The following SKA2 variants were observed in gnomAD, a reference collection of about 807,000 sequenced individuals.
The protein encoded by SKA2 is spindle and kinetochore associated complex subunit 2, also known as spindle and kinetochore-associated protein 2.
A neutral mutation model predicts 16.9 loss-of-function variants in SKA2; 13 were observed. That is an observed-to-expected ratio of 0.77 (90% CI 0.50 to 1.22). The LOEUF (loss-of-function observed/expected upper bound fraction) is 1.22. Among genes scored for constraint, SKA2 ranks in the 50% most tolerant of loss-of-function variants. The pLI is 0.00. For synonymous variants in SKA2, 47 were observed against 48.5 expected (o/e 0.97, Z 0.13); for missense variants, 107 against 139.7 (o/e 0.77, Z 1.18).
At chr17:59,142,819 C>T (rs1369746721) in intron 1 of SKA2, among the ~76,000 whole-genome samples, 2 of 148,466 alleles carry the variant, frequency 1.3e-5, no homozygotes, top group East Asian at 2.1e-4. Flanking sequence ...CCCAGCTACT[C>T]GGGAGGCTGA....
chr17:59,144,555 A>C (rs922871677), intron 1 of SKA2, among the ~76,000 whole-genome samples: 14 of 152,236 alleles, frequency 9.2e-5, no homozygotes, highest in Admixed American at 6.5e-4. Context: ...TGTAGTACAT[A>C]CGTACAATGG....
intron 1 of SKA2, chr17:59,137,978 C>T: frequency 7.3e-6 from 2 of 274,584 alleles, no homozygotes; most frequent in Non-Finnish European, 1.5e-5. Flanking sequence ...ACATCATTCA[C>T]AGCCCTTTCA....
chr17:59,151,059 A>G (rs980212048), intron 1 of SKA2: 10 of 461,102 alleles, frequency 2.2e-5, no homozygotes, highest in Non-Finnish European at 4.5e-5. Context: ...TATAGTTCTC[A>G]GCAACAAAGG....
At position 59,134,581 on chromosome 17, in the gene SKA2, T is replaced by C. The variant is rs537998699; in HGVS notation, c.34-3214A>G. Among the ~76,000 whole-genome samples, 3 of 152,062 alleles carry C rather than the reference T, an allele frequency of 2.0e-5. No individual in the cohort carries two copies. The East Asian group carries it at 5.8e-4, about 29-fold the overall frequency. On this transcript the variant is annotated intron_variant, in intron 1 of 3. Transcript: ENST00000330137. ...TTTCCTTTTTTTTTTTGGAGGAGTCTTGTTCTGTTGCCCAGGCTAGAGTGC... is the reference window on the plus strand; with the variant it reads ...TTTCCTTTTTTTTTTTGGAGGAGTCCTGTTCTGTTGCCCAGGCTAGAGTGC...
chr17:59,154,877 A>T, intron 1 of SKA2: 1 of 1,499,522 alleles, frequency 6.7e-7, no homozygotes, highest in Non-Finnish European at 9.2e-7. Context: ...GAGGGCAAGG[A>T]ACAAGGAATT....
chr17:59,147,084 C>A (rs578110683), intron 1 of SKA2, among the ~76,000 whole-genome samples: 1 of 151,574 alleles, frequency 6.6e-6, no homozygotes, highest in Non-Finnish European at 1.5e-5. Context: ...CTTGAACCTG[C>A]GAGACAGAGA....
chr17:59,153,241 G>A (rs1214024981), intron 1 of SKA2, among the ~76,000 whole-genome samples: 1 of 152,192 alleles, frequency 6.6e-6, no homozygotes, highest in Non-Finnish European at 1.5e-5. Flanking sequence ...TATCAGTAGG[G>A]AGGAATTCAG....
chr17:59,155,036 G>T (rs1175706605), intron 1 of SKA2, 95 bp downstream of exon 1: 8 of 1,613,952 alleles, frequency 5.0e-6, no homozygotes, highest in South Asian at 4.4e-5. Flanking sequence ...AGCCTCCGCC[G>T]CCCGGAGTTT....
chr17:59,148,810 A>AG (rs1011817750), intron 1 of SKA2, among the ~76,000 whole-genome samples: 17 of 139,976 alleles, frequency 1.2e-4, no homozygotes, highest in African/African-American at 4.5e-4. Context: ...CCCTGTCTCA[A>AG]AAAAAAAAAA....
At chr17:59,154,751 G>A (rs997146058) in intron 1 of SKA2, among the ~76,000 whole-genome samples, 1 of 152,128 alleles carries the variant, frequency 6.6e-6, no homozygotes, top group Non-Finnish European at 1.5e-5. Flanking sequence ...CTTTCTTGGA[G>A]TGTGAACCAC....
intron 1 of SKA2, among the ~76,000 whole-genome samples, chr17:59,149,483 G>A (rs2046560231): frequency 6.6e-6 from 1 of 151,962 alleles, no homozygotes; most frequent in South Asian, 2.1e-4. Context: ...TCCAGCCTGG[G>A]TGACAGTATG....
intron 2 of SKA2, among the ~76,000 whole-genome samples, chr17:59,129,685 C>A (rs1044775252): frequency 2.6e-5 from 4 of 151,816 alleles, no homozygotes; most frequent in African/African-American, 9.7e-5. Flanking sequence ...GAAACCCCAT[C>A]TCTACTAAAA....
chr17:59,151,811 A>G (rs2046579774), intron 1 of SKA2: 1 of 153,122 alleles, frequency 6.5e-6, no homozygotes, highest in Non-Finnish European at 1.5e-5. Flanking sequence ...GGGCTGTCAT[A>G]ACAACAGAAG....
chr17:59,125,858 G>A (rs2046368746), intron 2 of SKA2, among the ~76,000 whole-genome samples: 2 of 152,000 alleles, frequency 1.3e-5, no homozygotes, highest in Admixed American at 1.3e-4. Context: ...AATCTATAGG[G>A]AAAATGTTCA....
chr17:59,134,983 T>G (rs1044640613), intron 1 of SKA2, among the ~76,000 whole-genome samples: 2 of 151,938 alleles, frequency 1.3e-5, no homozygotes, highest in African/African-American at 4.8e-5. Context: ...TACAGGCACA[T>G]GCCATTACGC....
At chr17:59,134,045 A>G (rs2046427917) in intron 1 of SKA2, among the ~76,000 whole-genome samples, 1 of 152,244 alleles carries the variant, frequency 6.6e-6, no homozygotes, top group Non-Finnish European at 1.5e-5. Context: ...AAATTAATCA[A>G]TAATTACAAC....
intron 3 of SKA2, chr17:59,118,286 C>T (rs956558653): frequency 1.3e-5 from 2 of 152,298 alleles, no homozygotes; most frequent in Admixed American, 6.6e-5. Context: ...AAAAAATCCT[C>T]TATTACTATA....
intron 3 of SKA2, among the ~76,000 whole-genome samples, chr17:59,115,136 C>T (rs2046287962): frequency 6.7e-6 from 1 of 150,064 alleles, no homozygotes; most frequent in Non-Finnish European, 1.5e-5. Context: ...TCACTGCAAC[C>T]TCCGCCTCCC....
At chr17:59,145,405 A>G (rs2046524478) in intron 1 of SKA2, among the ~76,000 whole-genome samples, 1 of 152,132 alleles carries the variant, frequency 6.6e-6, no homozygotes, top group Admixed American at 6.6e-5. Context: ...CTGGACGTTC[A>G]CATGTACTAT....
Sources: gnomAD v4.1 joint callset for allele counts (sites outside exome capture counted in the v4.1 genomes callset) on GRCh38, gnomAD v4.1.1 for gene constraint, MANE v1.5 for transcripts, NCBI Gene and HGNC (gene_info 2026-07-23, HGNC 2026-07-21) for gene names.